The following TMOD3 variants were observed in gnomAD, a reference collection of about 807,000 sequenced individuals.
TMOD3 encodes the protein tropomodulin-3.
Under a neutral mutation model 39.2 loss-of-function variants are expected in TMOD3, and 20 were observed. That is an observed-to-expected ratio of 0.51 (90% CI 0.36 to 0.74). The LOEUF is 0.74. Among genes scored for constraint, TMOD3 ranks in the 30% least tolerant of loss-of-function variants. The probability of loss-of-function intolerance (pLI) is 0.00; values close to 1 mark genes in which losing one functional copy is unlikely to be tolerated. For synonymous variants in TMOD3, 143 were observed against 145.8 expected (o/e 0.98, Z 0.14); for missense variants, 381 against 412.8 (o/e 0.92, Z 0.67).
At chr15:51,839,821 T>G (rs1220035232) in intron 1 of TMOD3, among the ~76,000 whole-genome samples, 4 of 152,218 alleles carry the variant, frequency 2.6e-5, no homozygotes, top group Admixed American at 2.6e-4. Flanking sequence ...TTTTAAACAT[T>G]TCTTTTTGGA....
chr15:51,881,550 C>CTTTTTTTT (rs753814979), intron 3 of TMOD3, among the ~76,000 whole-genome samples: 2,403 of 61,914 alleles, frequency 0.039, 66 homozygotes, highest in Non-Finnish European at 0.051. Context: ...TTCTTTATTT[C>CTTTTTTTT]TTTTTTTTTT....
intron 3 of TMOD3, chr15:51,875,008 G>A (rs2056494477): frequency 6.6e-6 from 1 of 152,068 alleles, no homozygotes; most frequent in Admixed American, 6.6e-5. Context: ...AATTCCACAT[G>A]CCCCTCCCTG....
At chr15:51,867,196 G>C (rs961192281) in intron 2 of TMOD3, among the ~76,000 whole-genome samples, 2 of 152,180 alleles carry the variant, frequency 1.3e-5, no homozygotes, top group African/African-American at 4.8e-5. Context: ...TGATCCAGGT[G>C]GGAAGCTAAT....
chr15:51,895,793 T>C (rs2056617759), intron 6 of TMOD3, among the ~76,000 whole-genome samples: 1 of 152,134 alleles, frequency 6.6e-6, no homozygotes. Context: ...GAAAAGTAAA[T>C]CCACTTTTAT....
rs750594079 is a variant in TMOD3, at chr15:51,896,493, T to G, written c.702T>G (p.Leu234=). ...ETNTHVKCFS[L]AATRSNDPVA... is the part of the protein sequence containing the mutation. ...ACACACATGTGAAATGTTTCAGTCT[T>G]GCAGCCACCCGGAGCAATGACCCTG... Residue 234 remains leucine (L), a synonymous_variant, in exon 7 of 10, where the codon CTT becomes CTG. Transcript: ENST00000308580. 38 of 1,613,856 alleles carry G rather than the reference T, an allele frequency of 2.4e-5. No homozygotes were observed. The highest frequency in any genetic ancestry group is 3.2e-5 in the Non-Finnish European group (38 of 1,179,794).
At chr15:51,843,135 T>G (rs747983742) in intron 1 of TMOD3, among the ~76,000 whole-genome samples, 8 of 152,150 alleles carry the variant, frequency 5.3e-5, no homozygotes, top group Non-Finnish European at 8.8e-5. Context: ...AAAAGAGTAG[T>G]CAGAGTTGGA....
At chr15:51,886,351 C>T (rs369407803) in intron 3 of TMOD3, among the ~76,000 whole-genome samples, 1 of 152,202 alleles carries the variant, frequency 6.6e-6, no homozygotes, top group South Asian at 2.1e-4. Context: ...GCCGAGATCA[C>T]GCCACTGCAC....
At chr15:51,876,757 G>C (rs776827073) in intron 3 of TMOD3, among the ~76,000 whole-genome samples, 5 of 151,958 alleles carry the variant, frequency 3.3e-5, no homozygotes, top group African/African-American at 1.2e-4. Context: ...CACCGCACCC[G>C]GCCCCAGCGC....
intron 3 of TMOD3, 150 bp downstream of exon 3, chr15:51,869,523 CTTTA>C: frequency 1.4e-6 from 1 of 726,140 alleles, no homozygotes; most frequent in Non-Finnish European, 2.2e-6. Context: ...GGTTTAGATA[CTTTA>C]TTTACATTTT....
At chr15:51,870,062 C>T (rs2056467406) in intron 3 of TMOD3, among the ~76,000 whole-genome samples, 1 of 152,104 alleles carries the variant, frequency 6.6e-6, no homozygotes, top group African/African-American at 2.4e-5. Flanking sequence ...TCTCAGCCTC[C>T]TTAGTAGCTG....
In TMOD3 at chr15:51,915,155, A is replaced by G. The variant is rs770332396; in HGVS notation, c.*6345A>G. The stretch of plus-strand genomic sequence containing the variant: ...TTAATTGGCCTAAAATGTTTCAAAT[A>G]TTATAGTCTATACATTCAGAAAGTA... On this transcript the variant is annotated 3_prime_UTR_variant, in exon 10 of 10. Transcript: ENST00000308580. 4.6e-5 allele frequency: 7 copies of G among 152,006 alleles called. No individual in the cohort carries two copies. Among genetic ancestry groups the G allele is most frequent in the Non-Finnish European group, 8.8e-5 (6 of 68,004 alleles). 9.4% of individuals were successfully genotyped at this position (152,006 alleles called of 1,614,324 possible).
At chr15:51,832,381 G>C (rs1158103689) in intron 1 of TMOD3, among the ~76,000 whole-genome samples, 2 of 151,334 alleles carry the variant, frequency 1.3e-5, no homozygotes, top group Admixed American at 1.3e-4. Flanking sequence ...GCAGGAGTGG[G>C]GAACAACTAA....
At chr15:51,840,950 A>G (rs2056310045) in intron 1 of TMOD3, among the ~76,000 whole-genome samples, 1 of 152,226 alleles carries the variant, frequency 6.6e-6, no homozygotes, top group South Asian at 2.1e-4. Flanking sequence ...TCATAAAACT[A>G]AAAACATGGC....
At chr15:51,837,424 C>CT (rs75918501) in intron 1 of TMOD3, among the ~76,000 whole-genome samples, 9,628 of 141,976 alleles carry the variant, frequency 0.068, 394 homozygotes, top group African/African-American at 0.12. Context: ...GGGAACTATT[C>CT]TTTTTTTTTT....
intron 7 of TMOD3, among the ~76,000 whole-genome samples, chr15:51,896,874 A>C (rs1390766825): frequency 6.6e-6 from 1 of 152,234 alleles, no homozygotes; most frequent in Non-Finnish European, 1.5e-5. Context: ...TCTTCAGAGG[A>C]TTCCATTTAT....
chr15:51,849,295 G>A (rs931692657), intron 1 of TMOD3, among the ~76,000 whole-genome samples: 5 of 152,194 alleles, frequency 3.3e-5, no homozygotes, highest in African/African-American at 9.7e-5. Flanking sequence ...AAAATTAGGA[G>A]TCTGTTTTGT....
intron 3 of TMOD3, among the ~76,000 whole-genome samples, chr15:51,885,924 C>T (rs911325794): frequency 5.5e-5 from 8 of 144,536 alleles, no homozygotes; most frequent in Non-Finnish European, 1.1e-4. Flanking sequence ...GGCTGCCCCC[C>T]ACCTCCCTCC....
In TMOD3 at chr15:51,908,918, T is replaced by C; in HGVS notation, c.*108T>C. ...TAGAAGGGAAAAGACTGGAAAAATT[T>C]TTTTAGTGACATGCATTTTTTTTTT... On this transcript the variant is annotated 3_prime_UTR_variant, in exon 10 of 10. Transcript: ENST00000308580. 1 of 808,544 alleles carries C rather than the reference T, an allele frequency of 1.2e-6. No homozygotes were observed. The highest frequency in any genetic ancestry group is 1.9e-6 in the Non-Finnish European group (1 of 532,986). 50.1% of individuals were successfully genotyped at this position (808,544 alleles called of 1,614,324 possible).
At chr15:51,869,990 G>C (rs977474080) in intron 3 of TMOD3, among the ~76,000 whole-genome samples, 1 of 152,190 alleles carries the variant, frequency 6.6e-6, no homozygotes, top group Non-Finnish European at 1.5e-5. Context: ...CCAGGCCGGA[G>C]TGCAATGGTG....
Sources: allele counts gnomAD v4.1 joint callset (sites outside exome capture counted in the v4.1 genomes callset), GRCh38; gene constraint gnomAD v4.1.1; transcripts MANE v1.5; gene names NCBI Gene and HGNC (gene_info 2026-07-23, HGNC 2026-07-21).